RRAS2: variants seen among roughly 807,000 people sequenced by gnomAD.
The protein encoded by RRAS2 is ras-related protein R-Ras2.
In RRAS2, 7 loss-of-function variants were observed where a neutral mutation model predicts 27.6. That is an observed-to-expected ratio of 0.25 (90% CI 0.14 to 0.48). RRAS2 has a LOEUF of 0.48. Ranked by LOEUF, RRAS2 falls within the 20% of genes least tolerant of loss-of-function variation. The pLI, the probability that RRAS2 is intolerant of heterozygous loss-of-function variation, is 0.99. For synonymous variants in RRAS2, 86 were observed against 90.9 expected (o/e 0.95, Z 0.31); for missense variants, 178 against 256.2 (o/e 0.69, Z 2.08).
At chr11:14,357,516 A>T in intron 1 of RRAS2, among the ~76,000 whole-genome samples, 1 of 152,212 alleles carries the variant, frequency 6.6e-6, no homozygotes, top group East Asian at 1.9e-4. Context: ...CTCATTACAT[A>T]AAACATCCTT....
At chr11:14,283,256 C>A (rs1271636835) in intron 4 of RRAS2, among the ~76,000 whole-genome samples, 1 of 152,156 alleles carries the variant, frequency 6.6e-6, no homozygotes, top group Non-Finnish European at 1.5e-5. Context: ...CAACCCATTG[C>A]AGGAATAAAC....
At chr11:14,313,856 A>T (rs1848033998) in intron 1 of RRAS2, among the ~76,000 whole-genome samples, 3 of 152,216 alleles carry the variant, frequency 2.0e-5, no homozygotes, top group Non-Finnish European at 2.9e-5. Context: ...TATACCACCA[A>T]GTTTGAGGTG....
chr11:14,357,245 T>C (rs961751753), intron 1 of RRAS2, among the ~76,000 whole-genome samples: 5 of 152,114 alleles, frequency 3.3e-5, no homozygotes, highest in African/African-American at 9.7e-5. Context: ...ACTACCAATA[T>C]TGTAACCCAA....
At chr11:14,308,232 A>T in intron 1 of RRAS2, 2 of 435,618 alleles carry the variant, frequency 4.6e-6, no homozygotes, top group Non-Finnish European at 9.1e-6. Context: ...GGTTGCTAGG[A>T]GATATGGATG....
chr11:14,346,852 C>T (rs1554954121), intron 1 of RRAS2, among the ~76,000 whole-genome samples: 2 of 152,086 alleles, frequency 1.3e-5, no homozygotes, highest in East Asian at 1.9e-4. Context: ...ACAATTTTAT[C>T]TGTCAATTTA....
rs1447096587 is a variant in RRAS2 at position 14,359,037 on chromosome 11, T to C, written c.-167A>G. 1 of 1,116,420 alleles carries C rather than the reference T, an allele frequency of 9.0e-7. No individual in the cohort carries two copies. The highest frequency in any genetic ancestry group is 1.7e-5 in the African/African-American group (1 of 60,258). 69.2% of individuals were successfully genotyped at this position (1,116,420 alleles called of 1,614,324 possible). A position where few individuals can be genotyped will look rare whatever the true frequency, so the allele number is the denominator to read the frequency against. ...GCCGGTCAGCGCGGTAGCGCGGCGC[T>C]GGGGACTGGCTGGGTACCGCCCGAG... is the stretch of plus-strand genomic sequence containing the variant. On this transcript the variant is annotated 5_prime_UTR_variant, in exon 1 of 6. Transcript: ENST00000256196.
chr11:14,314,844 A>T (rs2133988279), intron 1 of RRAS2, among the ~76,000 whole-genome samples: 1 of 152,208 alleles, frequency 6.6e-6, no homozygotes, highest in Non-Finnish European at 1.5e-5. Flanking sequence ...ACACGCCACT[A>T]TGCCTGGCTA....
At chr11:14,295,073 T>C (rs945243502) in intron 2 of RRAS2, among the ~76,000 whole-genome samples, 1 of 152,208 alleles carries the variant, frequency 6.6e-6, no homozygotes, top group Admixed American at 6.5e-5. Context: ...CAGTATGGGT[T>C]GACTTTGTGG....
chr11:14,281,924 C>A (rs1268116537), intron 4 of RRAS2, among the ~76,000 whole-genome samples: 1 of 152,214 alleles, frequency 6.6e-6, no homozygotes, highest in Non-Finnish European at 1.5e-5. Flanking sequence ...GATGGAAATA[C>A]TAGCCTACAA....
At position 14,358,050 on chromosome 11, in the gene RRAS2, C is replaced by A. The variant is rs1849119761; in HGVS notation, c.108+713G>T. Among the ~76,000 whole-genome samples the A allele has an allele frequency of 6.6e-6, 1 of 152,096 alleles. No individual in the cohort carries two copies. Among genetic ancestry groups the A allele is most frequent in the East Asian group, 1.9e-4 (1 of 5,190 alleles). ...ACGACTCGGTCATATCCTAGCCCGG[C>A]CCATCCCAAACTTCACCTAGGCACG... On this transcript the variant is annotated intron_variant, in intron 1 of 5. Coordinates refer to ENST00000256196, the MANE Select transcript of RRAS2 (RefSeq NM_012250.6). The surrounding 1 kb of genome is among the most constrained non-coding windows in gnomAD (Gnocchi z 5.1).
chr11:14,337,788 T>C (rs868951104), intron 1 of RRAS2, among the ~76,000 whole-genome samples: 24 of 152,116 alleles, frequency 1.6e-4, no homozygotes, highest in South Asian at 2.1e-4. Context: ...ACTCAGAATC[T>C]TATGTACAGT....
intron 1 of RRAS2, among the ~76,000 whole-genome samples, chr11:14,319,513 C>T (rs1055658164): frequency 3.9e-5 from 6 of 151,916 alleles, no homozygotes; most frequent in Admixed American, 6.6e-5. Flanking sequence ...CGCCCGCCAC[C>T]GCGCCCGGCT....
chr11:14,320,805 A>G (rs2133996095), intron 1 of RRAS2, among the ~76,000 whole-genome samples: 1 of 152,372 alleles, frequency 6.6e-6, no homozygotes, highest in African/African-American at 2.4e-5. Context: ...TCATAAAGTC[A>G]TATAAAGTAG....
intron 1 of RRAS2, among the ~76,000 whole-genome samples, chr11:14,309,359 C>T (rs1173744699): frequency 6.6e-6 from 1 of 152,224 alleles, no homozygotes; most frequent in Non-Finnish European, 1.5e-5. Context: ...TCTACAAATA[C>T]TAACTGAACA....
At chr11:14,344,182 T>C (rs1848780746) in intron 1 of RRAS2, among the ~76,000 whole-genome samples, 1 of 152,180 alleles carries the variant, frequency 6.6e-6, no homozygotes, top group African/African-American at 2.4e-5. Context: ...TTAAACCAAC[T>C]TGTTGGCATG....
At chr11:14,344,982 A>AGTT (rs1564981122) in intron 1 of RRAS2, among the ~76,000 whole-genome samples, 1 of 81,874 alleles carries the variant, frequency 1.2e-5, no homozygotes, top group East Asian at 3.7e-4. Flanking sequence ...CCTACTCAAG[A>AGTT]CTTTATTTTT....
chr11:14,290,954 T>A (rs1243668482), intron 4 of RRAS2, among the ~76,000 whole-genome samples: 1 of 152,220 alleles, frequency 6.6e-6, no homozygotes, highest in Non-Finnish European at 1.5e-5. Flanking sequence ...CATGCAGAAA[T>A]GTTCATCTGA....
At chr11:14,295,645 A>G in intron 2 of RRAS2, 123 bp downstream of exon 2, 1 of 689,050 alleles carries the variant, frequency 1.5e-6, no homozygotes, top group Non-Finnish European at 2.3e-6. Flanking sequence ...CTTATAAATG[A>G]CATGGGCTAA....
At chr11:14,323,873 A>C (rs1199002816) in intron 1 of RRAS2, among the ~76,000 whole-genome samples, 1 of 152,108 alleles carries the variant, frequency 6.6e-6, no homozygotes, top group Admixed American at 6.5e-5. Flanking sequence ...CAGGAACAGA[A>C]TATATAGACT....
Sources: gnomAD v4.1 joint callset for allele counts (sites outside exome capture counted in the v4.1 genomes callset) on GRCh38, gnomAD v4.1.1 for gene constraint, Gnocchi (gnomAD v3.1) non-coding constraint, MANE v1.5 for transcripts, NCBI Gene and HGNC (gene_info 2026-07-23, HGNC 2026-07-21) for gene names.